BIRC6: variants seen among roughly 807,000 people sequenced by gnomAD.
The protein encoded by BIRC6 is baculoviral IAP repeat containing 6, also known as dual E2 ubiquitin-conjugating enzyme/E3 ubiquitin-protein ligase BIRC6.
Under a neutral mutation model 503.3 loss-of-function variants are expected in BIRC6, and 98 were observed. The ratio of observed to expected loss-of-function variants is 0.19; its 90% confidence interval spans 0.17 to 0.23. BIRC6 has a LOEUF of 0.23. BIRC6 is among the 10% of genes least tolerant of loss of function. The pLI, the probability that BIRC6 is intolerant of heterozygous loss-of-function variation, is 1.00. For missense variants in BIRC6, 5,360 were observed against 5,806.0 expected, an observed-to-expected ratio of 0.92 and a Z score of 2.50; for synonymous variants, 2,240 against 2,078.7, an observed-to-expected ratio of 1.08 and a Z score of -2.11.
chr2:32,430,710 T>A (rs1307176790), intron 11 of BIRC6, among the ~76,000 whole-genome samples, 155 bp from the exon 12 acceptor site: 1 of 152,048 alleles, frequency 6.6e-6, no homozygotes, highest in African/African-American at 2.4e-5. Context: ...TAGTTATATA[T>A]AGATACCTGA....
Position 32,468,714 on chromosome 2 carries a change from A to C in BIRC6, c.6058A>C (p.Thr2020Pro), listed in dbSNP as rs765993120. Residue 2020 changes from threonine to proline, a missense_variant, in exon 29 of 74, where the codon ACA becomes CCA. Transcript: ENST00000421745. Reference sequence around the variant, plus strand: ...AGAAGATTTAATTCAGACATCTTCCACAGAGCAGTTACGTACTATCATCAG... The same window carrying C: ...AGAAGATTTAATTCAGACATCTTCCCCAGAGCAGTTACGTACTATCATCAG... ...NPEDLIQTSS[T>P]EQLRTIIRYL... 1.5e-5 allele frequency: 25 copies of C among 1,613,866 alleles called. No homozygotes were observed. The highest frequency in any genetic ancestry group is 8.5e-7 in the Non-Finnish European group (1 of 1,179,850).
intron 65 of BIRC6, among the ~76,000 whole-genome samples, chr2:32,550,428 T>C (rs936924288): frequency 1.3e-5 from 2 of 152,156 alleles, no homozygotes; most frequent in African/African-American, 4.8e-5. Flanking sequence ...GACTCCTTCA[T>C]GGAAGTATTA....
chr2:32,455,043 A>G (rs1286489003), intron 23 of BIRC6, among the ~76,000 whole-genome samples: 1 of 152,138 alleles, frequency 6.6e-6, no homozygotes, highest in Non-Finnish European at 1.5e-5. Flanking sequence ...TCAGAAAATT[A>G]TTTTATTATA....
intron 61 of BIRC6, among the ~76,000 whole-genome samples, chr2:32,536,039 C>T (rs1173222208): frequency 1.3e-5 from 2 of 152,186 alleles, no homozygotes; most frequent in South Asian, 2.1e-4. Context: ...TTTTGATTTG[C>T]ATTTCTCTGA....
chr2:32,518,053 A>G (rs1179673702), intron 55 of BIRC6, among the ~76,000 whole-genome samples: 1 of 151,834 alleles, frequency 6.6e-6, no homozygotes, highest in Non-Finnish European at 1.5e-5. Flanking sequence ...TGGTATTCAT[A>G]TATTTTAAGA....
At chr2:32,435,613 A>G in intron 14 of BIRC6, 28 bp downstream of exon 14, 2 of 1,540,062 alleles carry the variant, frequency 1.3e-6, no homozygotes, top group African/African-American at 1.4e-5. Context: ...GCTGTTGTCC[A>G]TGACAGTAAA....
intron 51 of BIRC6, among the ~76,000 whole-genome samples, chr2:32,509,474 C>G (rs2010105): frequency 6.6e-6 from 1 of 152,090 alleles, no homozygotes; most frequent in Non-Finnish European, 1.5e-5. Flanking sequence ...AGGATGGTCT[C>G]GAACTCCTGA....
At chr2:32,460,233 T>C (rs1185515830) in intron 23 of BIRC6, among the ~76,000 whole-genome samples, 1 of 132,990 alleles carries the variant, frequency 7.5e-6, no homozygotes, top group African/African-American at 2.8e-5. Flanking sequence ...TCATATGATA[T>C]ATCTCGTATA....
At chr2:32,411,917 TTGAC>T (rs1453735755) in intron 9 of BIRC6, among the ~76,000 whole-genome samples, 2 of 152,022 alleles carry the variant, frequency 1.3e-5, no homozygotes, top group Non-Finnish European at 2.9e-5. Context: ...GATTTGGGAG[TTGAC>T]TGACATCTAT....
At chr2:32,486,708 C>A (rs920841930) in intron 40 of BIRC6, among the ~76,000 whole-genome samples, 1 of 152,112 alleles carries the variant, frequency 6.6e-6, no homozygotes, top group Non-Finnish European at 1.5e-5. Flanking sequence ...TTTACATCTT[C>A]CTTATGTTAA....
At chr2:32,595,976 A>T (rs977142315) in intron 68 of BIRC6, among the ~76,000 whole-genome samples, 7 of 152,180 alleles carry the variant, frequency 4.6e-5, no homozygotes, top group Non-Finnish European at 1.0e-4. Flanking sequence ...CACTCTAAGT[A>T]ATAATATTAA....
At position 32,415,252 on chromosome 2, in the gene BIRC6, G is replaced by A. The variant is rs750245422; in HGVS notation, c.1961G>A (p.Ser654Asn). The A allele has an allele frequency of 2.5e-6, 4 of 1,614,014 alleles. No homozygotes were observed. The South Asian group carries it at 4.4e-5, about 18-fold the overall frequency. ...TTTTCACAGATGAACAATATTATGA[G>A]TAAAAGTTTGCATGATGATGGTTTT... ...KIFSQMNNIM[S>N]KSLHDDGFTV... is the part of the protein sequence containing the mutation. Residue 654 changes from serine to asparagine, a missense_variant, in exon 10 of 74, where the codon AGT becomes AAT. Ser to Asn is a conservative substitution (Grantham distance 46). Coordinates refer to ENST00000421745, the MANE Select transcript of BIRC6 (RefSeq NM_016252.4).
At chr2:32,605,338 T>C (rs910626165) in intron 71 of BIRC6, among the ~76,000 whole-genome samples, 5 of 152,210 alleles carry the variant, frequency 3.3e-5, no homozygotes, top group African/African-American at 9.6e-5. Context: ...TAAATTGTTA[T>C]AACTGACTGA....
chr2:32,535,863 T>A (rs2057189136), intron 61 of BIRC6, among the ~76,000 whole-genome samples: 1 of 152,216 alleles, frequency 6.6e-6, no homozygotes, highest in African/African-American at 2.4e-5. Flanking sequence ...TAGTTCTAGA[T>A]CCCTGAGGAA....
rs1266052002 is a variant in BIRC6, at chr2:32,462,365, A to G, written c.4754-829A>G. Among the ~76,000 whole-genome samples, 4 of 152,220 alleles carry G rather than the reference A, an allele frequency of 2.6e-5. No homozygotes were observed. The East Asian group carries it at 7.7e-4, about 29-fold the overall frequency. ...ATTGGAAAACAATGCAGAAAGAATTATTTATAATGTTGTTTGAATAACAAT... is the reference window on the plus strand; with the variant it reads ...ATTGGAAAACAATGCAGAAAGAATTGTTTATAATGTTGTTTGAATAACAAT... On this transcript the variant is annotated intron_variant, in intron 23 of 73. Coordinates refer to ENST00000421745, the MANE Select transcript of BIRC6 (RefSeq NM_016252.4).
intron 65 of BIRC6, among the ~76,000 whole-genome samples, chr2:32,552,234 A>C (rs1167166131): frequency 6.6e-6 from 1 of 152,156 alleles, no homozygotes; most frequent in Non-Finnish European, 1.5e-5. Flanking sequence ...ATACTTTGTA[A>C]TCTTTAAACT....
rs561130316 is a variant in BIRC6, at chr2:32,468,411, T to C, written c.5781-26T>C. 7.3e-6 allele frequency: 11 copies of C among 1,501,718 alleles called. No homozygotes were observed. The African/African-American group carries it at 9.8e-5, about 13-fold the overall frequency. The allele number at this position is 1,501,718 out of a possible 1,614,324, so 93.0% of individuals were successfully genotyped here. A position where few individuals can be genotyped will look rare whatever the true frequency, so the allele number is the denominator to read the frequency against. ...CATAAAGAGGACATTACAAGAATTA[T>C]TTTGTTCAATCTTTTTTTACTTTAG... On this transcript the variant is annotated intron_variant, in intron 28 of 73. Transcript: ENST00000421745.
chr2:32,368,233 G>C (rs528813261), intron 1 of BIRC6, among the ~76,000 whole-genome samples: 1 of 152,008 alleles, frequency 6.6e-6, no homozygotes, highest in East Asian at 1.9e-4. Flanking sequence ...CTAATGTGCA[G>C]TTAGGTTTAG....
At chr2:32,567,185 G>C (rs1463205276) in intron 65 of BIRC6, among the ~76,000 whole-genome samples, 1 of 152,040 alleles carries the variant, frequency 6.6e-6, no homozygotes. Flanking sequence ...GGCTAGGCTG[G>C]TCTTGAACTC....
Sources: gnomAD v4.1 joint callset for allele counts (sites outside exome capture counted in the v4.1 genomes callset) on GRCh38, gnomAD v4.1.1 for gene constraint, MANE v1.5 for transcripts, NCBI Gene and HGNC (gene_info 2026-07-23, HGNC 2026-07-21) for gene names.